The following TBC1D5 variants were observed in gnomAD, a reference collection of about 807,000 sequenced individuals.
TBC1D5 encodes the protein TBC1 domain family member 5.
Under a neutral mutation model 100.3 loss-of-function variants are expected in TBC1D5, and 75 were observed. The observed-to-expected ratio is 0.75, with a 90% CI of 0.62 to 0.91. The LOEUF (loss-of-function observed/expected upper bound fraction) is 0.91, where lower values mean the gene tolerates loss of function less well. Among genes scored for constraint, TBC1D5 ranks in the 40% least tolerant of loss-of-function variants. TBC1D5 has a pLI of 0.00. For missense variants in TBC1D5, 910 were observed against 942.4 expected (o/e 0.97, Z 0.45); for synonymous variants, 323 against 325.6 (o/e 0.99, Z 0.09).
chr3:17,377,667 G>A (rs1385261803), intron 9 of TBC1D5, among the ~76,000 whole-genome samples: 1 of 151,980 alleles, frequency 6.6e-6, no homozygotes, highest in Non-Finnish European at 1.5e-5. Context: ...TGGATGAACA[G>A]AGTCACATAG....
intron 1 of TBC1D5, among the ~76,000 whole-genome samples, chr3:17,636,360 C>A (rs1353855697): frequency 6.6e-6 from 1 of 151,962 alleles, no homozygotes; most frequent in Non-Finnish European, 1.5e-5. Flanking sequence ...TGGGAGGGAC[C>A]AAAAGGTTAA....
intron 2 of TBC1D5, among the ~76,000 whole-genome samples, chr3:17,613,180 C>A (rs908905807): frequency 6.6e-6 from 1 of 152,150 alleles, no homozygotes; most frequent in African/African-American, 2.4e-5. Context: ...ATGATGGTTT[C>A]CAGCTTCATC....
chr3:17,159,340 A>C (rs984761410), exon 22 of TBC1D5: 2 of 152,226 alleles, frequency 1.3e-5, no homozygotes, highest in African/African-American at 2.4e-5. Context: ...TGTCATTATC[A>C]CATTTGTCTA....
rs17043178 is a variant in TBC1D5, at chr3:17,197,080, G to A, written c.1753-11872C>T. ...GCTACCTCCATTCCGTGTGTGTTATGGGCTACTTCCATAACCAAATCCATC... is the reference window on the plus strand; with the variant it reads ...GCTACCTCCATTCCGTGTGTGTTATAGGCTACTTCCATAACCAAATCCATC... On this transcript the variant is annotated intron_variant, in intron 18 of 21. Coordinates refer to ENST00000253692, the Ensembl canonical transcript of TBC1D5. Among the ~76,000 whole-genome samples the A allele has an allele frequency of 2.5e-3, 375 of 152,208 alleles. 1 individual carries two copies. The highest frequency in any genetic ancestry group is 4.2e-3 in the Non-Finnish European group (283 of 67,998).
At chr3:17,615,963 C>G (rs896520968) in intron 2 of TBC1D5, among the ~76,000 whole-genome samples, 7 of 152,124 alleles carry the variant, frequency 4.6e-5, no homozygotes, top group African/African-American at 1.7e-4. Flanking sequence ...TTCTCTAGTT[C>G]TTTTAATTGT....
At chr3:17,397,151 A>AT (rs887510021) in intron 8 of TBC1D5, among the ~76,000 whole-genome samples, 123 of 151,798 alleles carry the variant, frequency 8.1e-4, no homozygotes, top group Middle Eastern at 3.4e-3. Context: ...AATTTAAAGA[A>AT]TTTTTTTTTA....
chr3:17,189,501 AG>A (rs2069595256), intron 18 of TBC1D5, among the ~76,000 whole-genome samples: 1 of 152,232 alleles, frequency 6.6e-6, no homozygotes, highest in Non-Finnish European at 1.5e-5. Flanking sequence ...CTATAAGAAG[AG>A]AAAAATAACT....
At chr3:17,488,913 A>C (rs1463070663) in intron 3 of TBC1D5, among the ~76,000 whole-genome samples, 1 of 149,440 alleles carries the variant, frequency 6.7e-6, no homozygotes, top group Non-Finnish European at 1.5e-5. Flanking sequence ...TCTATCGTGA[A>C]CTGCACATAT....
intron 15 of TBC1D5, among the ~76,000 whole-genome samples, chr3:17,275,106 AT>A (rs5846956): frequency 0.41 from 61,652 of 152,070 alleles, 13,149 homozygotes; most frequent in Middle Eastern, 0.5. Flanking sequence ...GGAGGAAACA[AT>A]TATTTCCAAT....
chr3:17,279,743 T>C (rs1476733788), intron 15 of TBC1D5, among the ~76,000 whole-genome samples: 2 of 152,202 alleles, frequency 1.3e-5, no homozygotes, highest in Non-Finnish European at 2.9e-5. Context: ...AGTTTTGGAA[T>C]AGAACAAATA....
At chr3:17,473,674 C>T (rs537769332) in intron 3 of TBC1D5, among the ~76,000 whole-genome samples, 1 of 152,238 alleles carries the variant, frequency 6.6e-6, no homozygotes, top group East Asian at 1.9e-4. Flanking sequence ...GTCAGTAAAT[C>T]AAATTTGATG....
At chr3:17,715,676 C>G (rs1202305625) in intron 1 of TBC1D5, among the ~76,000 whole-genome samples, 1 of 152,114 alleles carries the variant, frequency 6.6e-6, no homozygotes, top group Non-Finnish European at 1.5e-5. Flanking sequence ...TGGTAGCACA[C>G]CTGTAGTCCC....
intron 3 of TBC1D5, among the ~76,000 whole-genome samples, chr3:17,462,275 G>T (rs115846030): frequency 3.1e-3 from 460 of 150,304 alleles, no homozygotes; most frequent in African/African-American, 0.011. Context: ...TTAATTTCCT[G>T]GTTTCCTTCA....
intron 19 of TBC1D5, among the ~76,000 whole-genome samples, chr3:17,171,537 T>A (rs1030218217): frequency 6.6e-6 from 1 of 152,122 alleles, no homozygotes; most frequent in African/African-American, 2.4e-5. Context: ...TTGTCAACAA[T>A]CCTTGGCATT....
chr3:17,669,220 G>A (rs544969735), intron 1 of TBC1D5, among the ~76,000 whole-genome samples: 4 of 152,186 alleles, frequency 2.6e-5, no homozygotes, highest in Non-Finnish European at 2.9e-5. Context: ...GAAGAAGGAC[G>A]AGTTTGCTTC....
chr3:17,301,615 C>T (rs1037618089), intron 14 of TBC1D5, among the ~76,000 whole-genome samples: 4 of 152,078 alleles, frequency 2.6e-5, no homozygotes, highest in Non-Finnish European at 5.9e-5. Context: ...GACCAACACC[C>T]ACAATAACTA....
intron 1 of TBC1D5, among the ~76,000 whole-genome samples, chr3:17,649,542 G>C (rs1471963680): frequency 2.6e-5 from 4 of 152,046 alleles, no homozygotes; most frequent in Non-Finnish European, 5.9e-5. Flanking sequence ...ATATGAAAAA[G>C]TGCTCATTAT....
At chr3:17,346,948 T>C (rs1037719760) in intron 13 of TBC1D5, among the ~76,000 whole-genome samples, 1 of 152,198 alleles carries the variant, frequency 6.6e-6, no homozygotes, top group Non-Finnish European at 1.5e-5. Flanking sequence ...ATAATATACT[T>C]GAATATATGG....
At chr3:17,278,647 T>C (rs1254719660) in intron 15 of TBC1D5, among the ~76,000 whole-genome samples, 1 of 152,186 alleles carries the variant, frequency 6.6e-6, no homozygotes, top group Non-Finnish European at 1.5e-5. Context: ...TGGAAAAAGC[T>C]ACCTCATAAA....
Sources: gnomAD v4.1 joint callset for allele counts (sites outside exome capture counted in the v4.1 genomes callset) on GRCh38, gnomAD v4.1.1 for gene constraint, MANE v1.5 for transcripts, NCBI Gene and HGNC (gene_info 2026-07-23, HGNC 2026-07-21) for gene names.